The following RIPOR2 variants were observed in gnomAD, a reference collection of about 807,000 sequenced individuals.
RIPOR2 encodes rho family-interacting cell polarization regulator 2.
RIPOR2 carries 39 observed loss-of-function variants against 114.5 expected under a neutral mutation model. The ratio of observed to expected loss-of-function variants is 0.34; its 90% CI spans 0.26 to 0.44. The LOEUF (loss-of-function observed/expected upper bound fraction) is 0.44. RIPOR2 is among the 20% of genes least tolerant of loss of function. RIPOR2 has a pLI of 1.00. For missense variants in RIPOR2, 1,007 were observed against 1,255.1 expected, an observed-to-expected ratio of 0.80 and a Z score of 2.99; for synonymous variants, 445 against 484.4, an observed-to-expected ratio of 0.92 and a Z score of 1.07.
At chr6:24,825,168 G>T in intron 19 of RIPOR2, 58 bp downstream of exon 19, 2 of 1,238,916 alleles carry the variant, frequency 1.6e-6, no homozygotes, top group Non-Finnish European at 2.3e-6. Flanking sequence ...AATATTAGTA[G>T]TAAATGATAG....
At chr6:24,946,679 G>A (rs1326787896) in intron 1 of RIPOR2, among the ~76,000 whole-genome samples, 1 of 152,152 alleles carries the variant, frequency 6.6e-6, no homozygotes, top group Non-Finnish European at 1.5e-5. Context: ...TGGGATCAGG[G>A]GGTTCCTGGG....
intron 8 of RIPOR2, among the ~76,000 whole-genome samples, chr6:24,853,796 C>T (rs1472427198): frequency 6.6e-6 from 1 of 152,146 alleles, no homozygotes; most frequent in Non-Finnish European, 1.5e-5. Flanking sequence ...ATGCCATCCA[C>T]TATTTAATGA....
chr6:24,943,928 T>A (rs1044951904), intron 1 of RIPOR2, among the ~76,000 whole-genome samples: 7 of 152,176 alleles, frequency 4.6e-5, no homozygotes, highest in African/African-American at 1.4e-4. Context: ...AACAGTCTTT[T>A]CCTTGGGGGT....
At chr6:24,845,560 C>T (rs963204401) in intron 12 of RIPOR2, among the ~76,000 whole-genome samples, 1 of 152,134 alleles carries the variant, frequency 6.6e-6, no homozygotes, top group Admixed American at 6.5e-5. Flanking sequence ...CAAAGTCCTT[C>T]CCAGCCATTT....
chr6:24,936,574 A>G (rs990591185), upstream of RIPOR2, among the ~76,000 whole-genome samples: 6 of 152,216 alleles, frequency 3.9e-5, no homozygotes, highest in Admixed American at 1.3e-4. Context: ...TTGGTCAAAC[A>G]TCTTGCATTT....
intron 1 of RIPOR2, among the ~76,000 whole-genome samples, chr6:24,943,461 T>A (rs1772245390): frequency 6.6e-6 from 1 of 151,922 alleles, no homozygotes; most frequent in Non-Finnish European, 1.5e-5. Context: ...CTGCATGTTG[T>A]GCACATGTAC....
At chr6:25,015,674 G>T (rs894556885) in intron 1 of RIPOR2, 1 of 151,990 alleles carries the variant, frequency 6.6e-6, no homozygotes, top group African/African-American at 2.4e-5. Flanking sequence ...ATAGTAATTG[G>T]GAAATAAAGG....
chr6:24,806,462 G>A lies in RIPOR2; in HGVS notation c.3055C>T (p.Arg1019Trp), dbSNP rs750061582. Reference protein sequence around the residue: ...ETLLSLGEDGRLAYEQLDKFP... With the variant: ...ETLLSLGEDGWLAYEQLDKFP... The stretch of plus-strand genomic sequence containing the variant: ...TTGTCCAATTGTTCATATGCCAGCC[G>A]CCCATCTTCTCCTAAATACAGAACA... The change falls in exon 22 of 22, where the codon CGG (arginine) becomes TGG (tryptophan). Residue 1019 changes from arginine (R) to tryptophan (W), a missense_variant. Coordinates refer to ENST00000643898, the MANE Select transcript of RIPOR2 (RefSeq NM_001286445.3). 11 of 1,550,514 alleles carry A rather than the reference G, an allele frequency of 7.1e-6. No homozygotes were observed. Among genetic ancestry groups the A allele is most frequent in the South Asian group, 3.6e-5 (3 of 83,892 alleles).
At chr6:24,857,684 T>G (rs564066003) in intron 8 of RIPOR2, among the ~76,000 whole-genome samples, 69 of 152,314 alleles carry the variant, frequency 4.5e-4, no homozygotes, top group Non-Finnish European at 7.8e-4. Context: ...TAATGCAAGT[T>G]TACTAGCTCA....
At position 24,851,142 on chromosome 6, in the gene RIPOR2, G is replaced by A. The variant is rs149121882; in HGVS notation, c.760-420C>T. ...ACTCCTGACCTCAGGTCATCTGCCCGCCTCAGCCTCCCAAAGTGCTAGGAT... is the reference window on the plus strand; with the variant it reads ...ACTCCTGACCTCAGGTCATCTGCCCACCTCAGCCTCCCAAAGTGCTAGGAT... On this transcript the variant is annotated intron_variant, in intron 9 of 21. Coordinates refer to ENST00000643898, the MANE Select transcript of RIPOR2 (RefSeq NM_001286445.3). 7.9e-3 allele frequency among the ~76,000 whole-genome samples: 1,198 copies of A among 152,002 alleles called. 19 individuals are homozygous for A. Among genetic ancestry groups the A allele is most frequent in the African/African-American group, 0.027 (1,108 of 41,462 alleles).
intron 1 of RIPOR2, among the ~76,000 whole-genome samples, chr6:24,892,322 G>A (rs1767444153): frequency 6.6e-6 from 1 of 152,092 alleles, no homozygotes; most frequent in Non-Finnish European, 1.5e-5. Context: ...AGGCTGGATA[G>A]TATAATGGCG....
chr6:24,828,338 C>A (rs112518515), intron 17 of RIPOR2, 43 bp from the exon 18 acceptor site: 1 of 1,201,902 alleles, frequency 8.3e-7, no homozygotes, highest in Non-Finnish European at 1.1e-6. Flanking sequence ...AGATAGATGA[C>A]CATTCATTCA....
intron 1 of RIPOR2, among the ~76,000 whole-genome samples, chr6:25,005,183 T>A (rs555929828): frequency 6.6e-6 from 1 of 152,188 alleles, no homozygotes; most frequent in Admixed American, 6.5e-5. Context: ...GAGTGGCTAC[T>A]CCTGCAGTAA....
rs538756625 is a variant in RIPOR2 at position 25,003,483 on chromosome 6, C to T, written c.76+38368G>A. Among the ~76,000 whole-genome samples, 40 of 151,752 alleles carry T rather than the reference C, an allele frequency of 2.6e-4. 1 individual carries two copies. In the South Asian group the frequency reaches 7.5e-3, roughly 28 times the overall value. On this transcript the variant is annotated intron_variant, in intron 1 of 13. Coordinates refer to the RIPOR2 transcript ENST00000510784. ...TCATTCTGTTGCCCAGACTGGAGTG[C>T]AGTGGCGCAGTCATGGCTCAGTGTA...
At chr6:25,028,042 A>G (rs952074315) in intron 1 of RIPOR2, among the ~76,000 whole-genome samples, 8 of 152,176 alleles carry the variant, frequency 5.3e-5, no homozygotes, top group African/African-American at 1.9e-4. Flanking sequence ...AGTGGCCCCT[A>G]CCACCCTCGT....
intron 1 of RIPOR2, chr6:24,976,551 G>A: frequency 1.9e-6 from 3 of 1,594,998 alleles, no homozygotes; most frequent in Non-Finnish European, 2.6e-6. Flanking sequence ...TTAACAGATT[G>A]GAGCTGTTTG....
chr6:24,845,008 G>A (rs1762116247), intron 12 of RIPOR2, among the ~76,000 whole-genome samples: 1 of 151,804 alleles, frequency 6.6e-6, no homozygotes, highest in Non-Finnish European at 1.5e-5. Flanking sequence ...TGCTGTATCT[G>A]AGGCCACTAG....
intron 1 of RIPOR2, chr6:24,976,572 C>T: frequency 6.3e-7 from 1 of 1,599,244 alleles, no homozygotes; most frequent in East Asian, 2.2e-5. Context: ...CAGACAAGGT[C>T]CCAAAGACAG....
chr6:25,017,734 G>A (rs547116362), intron 1 of RIPOR2, among the ~76,000 whole-genome samples: 4 of 152,338 alleles, frequency 2.6e-5, no homozygotes, highest in South Asian at 4.1e-4. Context: ...TGGTAGCTGC[G>A]GTGTGGGAGC....
Sources: allele counts gnomAD v4.1 joint callset (sites outside exome capture counted in the v4.1 genomes callset), GRCh38; gene constraint gnomAD v4.1.1; transcripts MANE v1.5; gene names NCBI Gene and HGNC (gene_info 2026-07-23, HGNC 2026-07-21).